The following POLA1 variants were observed in gnomAD, a reference collection of about 807,000 sequenced individuals.
POLA1 encodes DNA polymerase alpha catalytic subunit.
Under a neutral mutation model 124.0 loss-of-function variants are expected in POLA1, and 15 were observed. The ratio of observed to expected loss-of-function variants is 0.12; its 90% CI spans 0.08 to 0.19. POLA1 has a LOEUF of 0.19. Among genes scored for constraint, POLA1 ranks in the 10% least tolerant of loss-of-function variants. The probability of loss-of-function intolerance (pLI) is 1.00; values close to 1 mark genes in which losing one functional copy is unlikely to be tolerated. For missense variants in POLA1, 886 were observed against 1,103.4 expected, an observed-to-expected ratio of 0.80 and a Z score of 2.79; for synonymous variants, 408 against 389.4, an observed-to-expected ratio of 1.05 and a Z score of -0.56.
chrX:24,955,199 G>A (rs1157545019), intron 36 of POLA1, among the ~76,000 whole-genome samples: 2 of 99,083 alleles, frequency 2.0e-5, no homozygotes, highest in Non-Finnish European at 4.0e-5. Context: ...AGTCTCACTC[G>A]TTTGCCTAGG....
At chrX:24,712,073 C>T (rs758919129) in intron 4 of POLA1, among the ~76,000 whole-genome samples, 26 of 111,741 alleles carry the variant, frequency 2.3e-4, no homozygotes, top group Admixed American at 1.9e-4. Context: ...GTGTGGTTTT[C>T]ATTTGCATTT....
At chrX:24,848,467 A>G (rs2046505072) in intron 34 of POLA1, among the ~76,000 whole-genome samples, 1 of 111,885 alleles carries the variant, frequency 8.9e-6, no homozygotes. Context: ...GTGTATGAAG[A>G]TTCCATATTA....
chrX:24,800,247 A>G (rs893642646), intron 26 of POLA1, among the ~76,000 whole-genome samples: 13 of 112,046 alleles, frequency 1.2e-4, no homozygotes, highest in Admixed American at 9.5e-4. Flanking sequence ...GAATTGGAGC[A>G]TCCTCAATGG....
chrX:24,803,331 A>G (rs769333460), intron 26 of POLA1, among the ~76,000 whole-genome samples: 2 of 111,481 alleles, frequency 1.8e-5, no homozygotes, highest in East Asian at 5.6e-4. Flanking sequence ...TACTGATGAA[A>G]TCTAGTGGGT....
intron 2 of POLA1, among the ~76,000 whole-genome samples, chrX:24,701,845 C>T (rs1490491497): frequency 9.1e-6 from 1 of 109,449 alleles, no homozygotes; most frequent in Non-Finnish European, 1.9e-5. Context: ...CCTCCACCTC[C>T]CAGGTTCAAG....
In POLA1 at chrX:24,795,988, A is replaced by G. The variant is rs185541401; in HGVS notation, c.2965-13910A>G. Among the ~76,000 whole-genome samples the G allele has an allele frequency of 2.5e-3, 281 of 111,773 alleles. 1 individual carries two copies. The highest frequency in any genetic ancestry group is 8.6e-3 in the African/African-American group (266 of 30,777). ...TGACTTAGTTTCTCTGGAAGGGTAT[A>G]CTTATCTTTATTGAATAAGTATAAA... On this transcript the variant is annotated intron_variant, in intron 26 of 36. Transcript: ENST00000379068.
intron 4 of POLA1, among the ~76,000 whole-genome samples, chrX:24,711,221 C>T (rs1196790833): frequency 1.8e-5 from 2 of 111,917 alleles, no homozygotes; most frequent in East Asian, 5.7e-4. Context: ...TGGGCTCAAG[C>T]AGTCCGCCCG....
At chrX:24,786,964 C>T (rs1017595110) in intron 26 of POLA1, among the ~76,000 whole-genome samples, 5 of 109,068 alleles carry the variant, frequency 4.6e-5, no homozygotes, top group African/African-American at 1.7e-4. Context: ...TTTTTAAAAG[C>T]AGGGTCTTGC....
chrX:24,704,408 A>C lies in POLA1; in HGVS notation c.285A>C (p.Glu95Asp), dbSNP rs1460224920. 2.5e-6 allele frequency: 3 copies of C among 1,202,029 alleles called. No individual in the cohort carries two copies. The East Asian group carries it at 8.9e-5, about 36-fold the overall frequency. The change falls in exon 4 of 37, where the codon GAA (glutamate) becomes GAC (aspartate). Residue 95 changes from glutamate to aspartate, a missense_variant. Physicochemically the swap from Glu to Asp is conservative, Grantham distance 45. Around this residue, in one of 7 missense-constraint regions of POLA1, gnomAD observed 337 missense variants for 402.8 expected, o/e 0.84. Transcript: ENST00000379068. ...IVDDDGIGYV[E>D]DGREIFDDDL... The stretch of plus-strand genomic sequence containing the variant: ...CTGCAGATGGTATTGGCTATGTGGA[A>C]GATGGCCGAGAGATTTTTGATGATG...
intron 26 of POLA1, among the ~76,000 whole-genome samples, chrX:24,764,815 T>G (rs982710629): frequency 9.0e-6 from 1 of 111,659 alleles, no homozygotes; most frequent in Admixed American, 9.5e-5. Context: ...TTCTCTCCAT[T>G]GACACTGCCA....
At chrX:24,835,972 C>G (rs2046336702) in intron 32 of POLA1, among the ~76,000 whole-genome samples, 2 of 111,476 alleles carry the variant, frequency 1.8e-5, no homozygotes, top group South Asian at 7.5e-4. Context: ...TAAATTTTCA[C>G]AAGGTCATCA....
intron 36 of POLA1, among the ~76,000 whole-genome samples, chrX:24,952,593 G>A (rs1322844055): frequency 8.9e-6 from 1 of 112,373 alleles, no homozygotes; most frequent in Non-Finnish European, 1.9e-5. Flanking sequence ...GCTATGTGAT[G>A]TCTTTGTTAT....
At chrX:24,964,885 T>A (rs188728265) in intron 36 of POLA1, among the ~76,000 whole-genome samples, 12 of 112,299 alleles carry the variant, frequency 1.1e-4, no homozygotes, top group African/African-American at 3.9e-4. Flanking sequence ...CAATTGCAGA[T>A]AGAGAGTCTC....
intron 35 of POLA1, among the ~76,000 whole-genome samples, chrX:24,894,860 C>A (rs1184272536): frequency 9.3e-6 from 1 of 107,556 alleles, no homozygotes; most frequent in Admixed American, 1.0e-4. Context: ...AGTCACAGCT[C>A]ACTGAAGCCT....
At chrX:24,775,715 A>G (rs2045126864) in intron 26 of POLA1, among the ~76,000 whole-genome samples, 1 of 112,213 alleles carries the variant, frequency 8.9e-6, no homozygotes, top group African/African-American at 3.2e-5. Context: ...GAACATAGAA[A>G]CCATAAAGAG....
At chrX:24,973,395 A>AAGAGAGAG (rs11573515) in intron 36 of POLA1, among the ~76,000 whole-genome samples, 1 of 110,469 alleles carries the variant, frequency 9.1e-6, no homozygotes, top group African/African-American at 3.3e-5. Flanking sequence ...AAGAAAAAGA[A>AAGAGAGAG]AGAGAGAGAG....
chrX:24,796,567 A>G (rs868562112), intron 26 of POLA1, among the ~76,000 whole-genome samples: 9 of 111,135 alleles, frequency 8.1e-5, no homozygotes, highest in African/African-American at 2.9e-4. Context: ...CACCATTACC[A>G]TGGTTTTTGG....
chrX:24,992,131 T>G (rs2048541511), intron 36 of POLA1, among the ~76,000 whole-genome samples: 1 of 111,981 alleles, frequency 8.9e-6, no homozygotes, highest in Non-Finnish European at 1.9e-5. Flanking sequence ...GGAAGCTCAG[T>G]TATATGGATC....
At chrX:24,956,444 C>G (rs73207279) in intron 36 of POLA1, among the ~76,000 whole-genome samples, 1 of 108,912 alleles carries the variant, frequency 9.2e-6, no homozygotes, top group Admixed American at 9.9e-5. Flanking sequence ...GGGGAAAAAC[C>G]GAAAGTTGAA....
Sources: gnomAD v4.1 joint callset for allele counts (sites outside exome capture counted in the v4.1 genomes callset) on GRCh38, gnomAD v4.1.1 for gene constraint, gnomAD v4.1.1 regional missense constraint, MANE v1.5 for transcripts, NCBI Gene and HGNC (gene_info 2026-07-23, HGNC 2026-07-21) for gene names.